Variants in PUM1 observed in about 807,000 individuals in gnomAD.
PUM1 encodes pumilio homolog 1.
In PUM1, 13 loss-of-function variants were observed where a neutral mutation model predicts 131.8. The ratio of observed to expected loss-of-function variants is 0.10; its 90% CI spans 0.06 to 0.16. The LOEUF is 0.16. Ranked by LOEUF, PUM1 falls within the 10% of genes least tolerant of loss-of-function variation. The pLI, the probability that PUM1 is intolerant of heterozygous loss-of-function variation, is 1.00. For missense variants in PUM1, 961 were observed against 1,512.4 expected (o/e 0.64, Z 6.05); for synonymous variants, 509 against 556.5 (o/e 0.91, Z 1.20).
In PUM1 at chr1:31,065,714, C is replaced by A. The variant is rs974352056; in HGVS notation, c.-110G>T. ...CTTTCACTCCGACAACATGGCGGCC[C>A]ACTGGGGACTGGGTTGGCGCGGTGC... On this transcript the variant is annotated 5_prime_UTR_variant, in exon 1 of 22. Transcript: ENST00000426105. The A allele has an allele frequency of 1.5e-5, 23 of 1,549,668 alleles. No individual in the cohort carries two copies. In the African/African-American group the frequency reaches 3.0e-4, roughly 20 times the overall value.
At chr1:30,945,150 C>G (rs1027666079) in intron 18 of PUM1, among the ~76,000 whole-genome samples, 196 bp downstream of exon 18, 1 of 152,150 alleles carries the variant, frequency 6.6e-6, no homozygotes, top group Non-Finnish European at 1.5e-5. Flanking sequence ...GGGAGGATTG[C>G]TTGAACCTGG....
Position 30,965,970 on chromosome 1 carries a change from T to A in PUM1, c.2086+12A>T. ...AAATTCAGTCTTAAGAGCATATCAGTCTAATTTCTACCTGCTGTTCCAAAC... is the reference window on the plus strand; with the variant it reads ...AAATTCAGTCTTAAGAGCATATCAGACTAATTTCTACCTGCTGTTCCAAAC... On this transcript the variant is annotated intron_variant, in intron 13 of 21. Coordinates refer to ENST00000426105, the MANE Select transcript of PUM1 (RefSeq NM_001020658.2). 1 of 1,603,904 alleles carries A rather than the reference T, an allele frequency of 6.2e-7. No homozygotes were observed. Among genetic ancestry groups the A allele is most frequent in the African/African-American group, 1.3e-5 (1 of 74,520 alleles).
chr1:30,966,744 C>A (rs1570150959), intron 12 of PUM1, among the ~76,000 whole-genome samples: 1 of 152,288 alleles, frequency 6.6e-6, no homozygotes, highest in East Asian at 1.9e-4. Flanking sequence ...AAAACTATTA[C>A]TCCTCCCAAC....
At chr1:31,040,284 T>C (rs1643775035) in intron 2 of PUM1, among the ~76,000 whole-genome samples, 1 of 151,942 alleles carries the variant, frequency 6.6e-6, no homozygotes, top group South Asian at 2.1e-4. Context: ...AATATTAAAC[T>C]CCAATACAGG....
chr1:30,962,600 C>T (rs775885777), intron 14 of PUM1, among the ~76,000 whole-genome samples: 10 of 151,910 alleles, frequency 6.6e-5, no homozygotes, highest in Non-Finnish European at 1.5e-4. Flanking sequence ...TTGGTAGAGG[C>T]GGGGCTTCAC....
At chr1:30,983,136 T>C (rs574097872) in intron 7 of PUM1, among the ~76,000 whole-genome samples, 1 of 152,378 alleles carries the variant, frequency 6.6e-6, no homozygotes, top group Admixed American at 6.5e-5. Context: ...TTTCTGCAAG[T>C]TGGTTTCACA....
chr1:31,044,640 T>C (rs1643910590), intron 2 of PUM1, among the ~76,000 whole-genome samples: 1 of 152,152 alleles, frequency 6.6e-6, no homozygotes, highest in Non-Finnish European at 1.5e-5. Flanking sequence ...TTATGATATA[T>C]GCACAACAAT....
chr1:31,047,374 C>T (rs1643994653), intron 2 of PUM1, among the ~76,000 whole-genome samples: 1 of 152,180 alleles, frequency 6.6e-6, no homozygotes, highest in South Asian at 2.1e-4. Context: ...ATGATTTACC[C>T]TATCCTCAGC....
intron 2 of PUM1, among the ~76,000 whole-genome samples, chr1:31,054,371 G>A (rs1252043513): frequency 6.6e-6 from 1 of 151,828 alleles, no homozygotes; most frequent in Admixed American, 6.6e-5. Flanking sequence ...CTCTTAAATG[G>A]GAGTAATTAC....
chr1:30,942,554 T>C (rs1283420481), intron 18 of PUM1, among the ~76,000 whole-genome samples: 1 of 152,084 alleles, frequency 6.6e-6, no homozygotes, highest in Non-Finnish European at 1.5e-5. Context: ...CAGAATGCAA[T>C]GTTCTGATTT....
At chr1:31,055,034 A>T (rs138173292) in intron 2 of PUM1, among the ~76,000 whole-genome samples, 3 of 152,340 alleles carry the variant, frequency 2.0e-5, no homozygotes, top group Non-Finnish European at 4.4e-5. Flanking sequence ...GATTATATAT[A>T]GGAAATACAA....
intron 1 of PUM1, among the ~76,000 whole-genome samples, chr1:31,065,033 A>G (rs983458336): frequency 2.0e-5 from 3 of 152,180 alleles, no homozygotes; most frequent in Non-Finnish European, 4.4e-5. Flanking sequence ...ACAGCAACCC[A>G]GGAGCCTAAA....
At position 31,028,197 on chromosome 1, in the gene PUM1, A is replaced by C. The variant is rs2124545873; in HGVS notation, c.432+599T>G. Among the ~76,000 whole-genome samples, 2 of 152,330 alleles carry C rather than the reference A, an allele frequency of 1.3e-5. 1 individual carries two copies. The highest frequency in any genetic ancestry group is 6.8e-3 in the Middle Eastern group (2 of 294). On this transcript the variant is annotated intron_variant, in intron 3 of 21. Transcript: ENST00000426105. ...GATAAAAGTAAATTTTGTTTCTGCA[A>C]ATTTTAAACATTACAGTCAAAGCAA...
At chr1:30,933,485 C>CA (rs67174905) in intron 21 of PUM1, 143 bp from the exon 22 acceptor site, 12 of 812,954 alleles carry the variant, frequency 1.5e-5, no homozygotes, top group African/African-American at 3.6e-5. Flanking sequence ...CACACACACA[C>CA]CCCTACAGCA....
chr1:30,967,371 C>A (rs902904249), intron 11 of PUM1, 61 bp from the exon 12 acceptor site: 1 of 1,516,376 alleles, frequency 6.6e-7, no homozygotes, highest in Non-Finnish European at 9.1e-7. Context: ...CTCCTGGGCA[C>A]CAACATATTG....
intron 7 of PUM1, among the ~76,000 whole-genome samples, chr1:30,984,855 T>C (rs1641486595): frequency 6.6e-6 from 1 of 152,194 alleles, no homozygotes; most frequent in Admixed American, 6.5e-5. Flanking sequence ...TATGGCTTTT[T>C]TTTTCTAAAC....
In PUM1 at chr1:30,981,309, T is replaced by C; in HGVS notation, c.1252+3A>G. On this transcript the variant is annotated splice_donor_region_variant and intron_variant, in intron 8 of 21. Transcript: ENST00000426105. Reference sequence around the variant, plus strand: ...TGAAAGAGCTATGGGCTTAAGGACTTACCGATGTGCGGCTGATGAGCAGCT... The same window carrying C: ...TGAAAGAGCTATGGGCTTAAGGACTCACCGATGTGCGGCTGATGAGCAGCT... 1.3e-6 allele frequency: 2 copies of C among 1,582,022 alleles called. No homozygotes were observed. Among genetic ancestry groups the C allele is most frequent in the Non-Finnish European group, 1.7e-6 (2 of 1,157,388 alleles).
At chr1:30,988,052 A>C (rs1027665721) in intron 7 of PUM1, among the ~76,000 whole-genome samples, 1 of 152,204 alleles carries the variant, frequency 6.6e-6, no homozygotes, top group African/African-American at 2.4e-5. Context: ...TTTTTATACC[A>C]CTGGTTTCCT....
chr1:31,062,619 CAAAAA>C (rs9331237), intron 1 of PUM1, among the ~76,000 whole-genome samples: 3 of 117,218 alleles, frequency 2.6e-5, no homozygotes, highest in Non-Finnish European at 3.6e-5. Context: ...GACTCCATCT[CAAAAA>C]AAAAAAAAAA....
Sources: gnomAD v4.1 joint callset for allele counts (sites outside exome capture counted in the v4.1 genomes callset) on GRCh38, gnomAD v4.1.1 for gene constraint, MANE v1.5 for transcripts, NCBI Gene and HGNC (gene_info 2026-07-23, HGNC 2026-07-21) for gene names.